AGPS: variants seen among roughly 807,000 people sequenced by gnomAD.
The protein encoded by AGPS is alkyldihydroxyacetonephosphate synthase, peroxisomal.
A neutral mutation model predicts 90.7 loss-of-function variants in AGPS; 26 were observed. That is an observed-to-expected ratio of 0.29 (90% CI 0.21 to 0.40). The LOEUF (loss-of-function observed/expected upper bound fraction) is 0.40. AGPS is among the 10% of genes least tolerant of loss of function. AGPS has a pLI of 1.00. For synonymous variants in AGPS, 294 were observed against 285.3 expected, an observed-to-expected ratio of 1.03 and a Z score of -0.31; for missense variants, 540 against 816.1, an observed-to-expected ratio of 0.66 and a Z score of 4.12.
chr2:177,405,463 C>T (rs946911573), intron 1 of AGPS, among the ~76,000 whole-genome samples: 2 of 152,222 alleles, frequency 1.3e-5, no homozygotes, highest in African/African-American at 4.8e-5. Context: ...TTCCTTGAGT[C>T]ATCAATCTTT....
intron 14 of AGPS, among the ~76,000 whole-genome samples, chr2:177,502,489 C>T (rs1688588374): frequency 6.8e-6 from 1 of 147,514 alleles, no homozygotes; most frequent in Non-Finnish European, 1.5e-5. Flanking sequence ...GATCATGGCT[C>T]ACTGTAGCCT....
intron 10 of AGPS, among the ~76,000 whole-genome samples, chr2:177,476,314 A>G (rs566393285): frequency 6.2e-4 from 94 of 151,842 alleles, no homozygotes; most frequent in Non-Finnish European, 1.1e-3. Context: ...TACCATCACA[A>G]TTTCTCTCTA....
At chr2:177,477,148 T>C (rs904116690) in intron 10 of AGPS, among the ~76,000 whole-genome samples, 6 of 152,138 alleles carry the variant, frequency 3.9e-5, no homozygotes, top group African/African-American at 9.6e-5. Flanking sequence ...AATGTTATTA[T>C]TGGTATGGTC....
At chr2:177,446,957 C>T (rs1048449725) in intron 8 of AGPS, among the ~76,000 whole-genome samples, 1 of 152,120 alleles carries the variant, frequency 6.6e-6, no homozygotes, top group Admixed American at 6.5e-5. Flanking sequence ...CTTTAGGTTT[C>T]TTTCATAGAT....
intron 1 of AGPS, among the ~76,000 whole-genome samples, chr2:177,408,076 C>G (rs1685513891): frequency 6.6e-6 from 1 of 152,124 alleles, no homozygotes; most frequent in Admixed American, 6.5e-5. Context: ...GCCACTGTGC[C>G]TGGCGAGAAA....
At chr2:177,482,250 A>G (rs1687968203) in intron 11 of AGPS, 64 bp downstream of exon 11, 2 of 897,092 alleles carry the variant, frequency 2.2e-6, no homozygotes, top group Non-Finnish European at 1.6e-6. Context: ...TATTTTTCAA[A>G]TTCTACTACA....
At chr2:177,485,517 G>A (rs920169675) in intron 11 of AGPS, among the ~76,000 whole-genome samples, 6 of 152,094 alleles carry the variant, frequency 3.9e-5, no homozygotes, top group African/African-American at 7.2e-5. Flanking sequence ...AAGCAAGTAT[G>A]GAATTTTCCT....
intron 1 of AGPS, among the ~76,000 whole-genome samples, chr2:177,414,718 T>C (rs997060039): frequency 6.6e-6 from 1 of 152,144 alleles, no homozygotes; most frequent in Admixed American, 6.6e-5. Context: ...AAGAATTATT[T>C]TCTCAGAACA....
Position 177,543,220 on chromosome 2 carries a change from C to G in AGPS, c.*5025C>G, listed in dbSNP as rs1336598289. ...CTTTCTGGATGTTTGCTCACAGGCT[C>G]CCTGAGGAGCAGAACCTGTGGAGCT... On this transcript the variant is annotated 3_prime_UTR_variant, in exon 20 of 20. Coordinates refer to ENST00000264167, the MANE Select transcript of AGPS (RefSeq NM_003659.4). The G allele has an allele frequency of 6.6e-6, 1 of 152,140 alleles. No individual in the cohort carries two copies. The highest frequency in any genetic ancestry group is 2.1e-4 in the South Asian group (1 of 4,832). The allele number at this position is 152,140 out of a possible 1,614,324, so 9.4% of individuals were successfully genotyped here. A position where few individuals can be genotyped will look rare whatever the true frequency, so the allele number is the denominator to read the frequency against.
chr2:177,418,400 A>G (rs1192400520), intron 1 of AGPS, among the ~76,000 whole-genome samples: 1 of 152,074 alleles, frequency 6.6e-6, no homozygotes, highest in Non-Finnish European at 1.5e-5. Context: ...TCTAGGGATA[A>G]TTTTAAGGAA....
intron 1 of AGPS, among the ~76,000 whole-genome samples, chr2:177,398,534 A>G (rs1262038338): frequency 6.6e-6 from 1 of 152,176 alleles, no homozygotes; most frequent in African/African-American, 2.4e-5. Context: ...TCCAGAGTCC[A>G]TATTCTTTCC....
chr2:177,428,990 A>G (rs887367827), intron 2 of AGPS, among the ~76,000 whole-genome samples: 2 of 151,846 alleles, frequency 1.3e-5, no homozygotes, highest in Admixed American at 6.6e-5. Context: ...ATAGTCCCAC[A>G]TTTCTCAGAG....
chr2:177,420,409 A>G lies in AGPS; in HGVS notation c.350+51A>G, dbSNP rs185383707. The G allele has an allele frequency of 8.8e-4, 1,222 of 1,387,474 alleles. 8 individuals carry two copies. Among genetic ancestry groups the G allele is most frequent in the Non-Finnish European group, 9.6e-5 (94 of 975,910 alleles). 85.9% of individuals were successfully genotyped at this position (1,387,474 alleles called of 1,614,324 possible). The stretch of plus-strand genomic sequence containing the variant: ...GTTCCTCCTTTAATTCTTTCTTTCT[A>G]TGAAAAATTTTAAACACACATGAAA... On this transcript the variant is annotated intron_variant, in intron 2 of 19. Transcript: ENST00000264167.
At chr2:177,414,777 G>C (rs1366027596) in intron 1 of AGPS, among the ~76,000 whole-genome samples, 1 of 152,042 alleles carries the variant, frequency 6.6e-6, no homozygotes, top group Non-Finnish European at 1.5e-5. Flanking sequence ...ATTTGCCTCA[G>C]GTTCAGAGAG....
chr2:177,409,053 G>A (rs1685545741), intron 1 of AGPS, among the ~76,000 whole-genome samples: 1 of 152,102 alleles, frequency 6.6e-6, no homozygotes, highest in Admixed American at 6.5e-5. Context: ...TGCTTTTAAT[G>A]CTTTCTTCTC....
At chr2:177,509,407 C>T (rs1688802030) in intron 16 of AGPS, among the ~76,000 whole-genome samples, 1 of 152,124 alleles carries the variant, frequency 6.6e-6, no homozygotes, top group African/African-American at 2.4e-5. Context: ...TGGCTCACGC[C>T]TATAATCCCA....
chr2:177,417,372 G>A (rs1685816438), intron 1 of AGPS, among the ~76,000 whole-genome samples: 1 of 152,132 alleles, frequency 6.6e-6, no homozygotes, highest in African/African-American at 2.4e-5. Context: ...CCATCCCCAA[G>A]AAATCTCATT....
chr2:177,436,930 C>A (rs764909922), intron 4 of AGPS, 46 bp downstream of exon 4: 1 of 1,610,198 alleles, frequency 6.2e-7, no homozygotes, highest in African/African-American at 1.3e-5. Context: ...CAAAAAAATT[C>A]TATATTTTAA....
At chr2:177,536,634 A>G (rs1379793205) in intron 19 of AGPS, among the ~76,000 whole-genome samples, 2 of 152,002 alleles carry the variant, frequency 1.3e-5, no homozygotes, top group Non-Finnish European at 2.9e-5. Context: ...AGGAATAGGG[A>G]TTTATTTACT....
Sources: gnomAD v4.1 joint callset for allele counts (sites outside exome capture counted in the v4.1 genomes callset) on GRCh38, gnomAD v4.1.1 for gene constraint, MANE v1.5 for transcripts, NCBI Gene and HGNC (gene_info 2026-07-23, HGNC 2026-07-21) for gene names.